The following TLN2 variants were observed in gnomAD, a reference collection of about 807,000 sequenced individuals.
The protein encoded by TLN2 is talin 2, also known as talin-2.
Under a neutral mutation model 294.7 loss-of-function variants are expected in TLN2, and 118 were observed. That is an observed-to-expected ratio of 0.40 (90% CI 0.34 to 0.47). The LOEUF (loss-of-function observed/expected upper bound fraction) is 0.47. Ranked by LOEUF, TLN2 falls within the 20% of genes least tolerant of loss-of-function variation. TLN2 has a pLI of 0.84. For synonymous variants in TLN2, 1,431 were observed against 1,304.5 expected, an observed-to-expected ratio of 1.10 and a Z score of -2.09; for missense variants, 3,083 against 3,282.2, an observed-to-expected ratio of 0.94 and a Z score of 1.48.
At chr15:62,597,264 G>T (rs769770946) in intron 2 of TLN2, among the ~76,000 whole-genome samples, 1 of 152,100 alleles carries the variant, frequency 6.6e-6, no homozygotes, top group African/African-American at 2.4e-5. Flanking sequence ...CTCAGTAAAG[G>T]CTTCCATGAT....
intron 28 of TLN2, among the ~76,000 whole-genome samples, chr15:62,735,046 A>G (rs2060933545): frequency 1.3e-5 from 2 of 152,214 alleles, no homozygotes; most frequent in Admixed American, 6.5e-5. Context: ...TAGATCTTAT[A>G]TGTTCTAACA....
chr15:62,544,782 C>T (rs914869337), intron 1 of TLN2, among the ~76,000 whole-genome samples: 2 of 150,838 alleles, frequency 1.3e-5, no homozygotes, highest in Non-Finnish European at 2.9e-5. Flanking sequence ...CCTTCCATTC[C>T]TAGAATGGCA....
rs2063325633 is a variant in TLN2 at position 62,771,105 on chromosome 15, G to A, written c.5338G>A (p.Ala1780Thr). Residue 1780 changes from alanine (A) to threonine (T), a missense_variant, in exon 42 of 59, where the codon GCA becomes ACA. By Grantham distance (58) the Ala-to-Thr change is moderately conservative. Transcript: ENST00000636159. ...AGAGTCTGCCTTGCAGATGTTGTAT[G>A]CAGCCAAAGAAGGTGGCGGAAACCC... ...LAESALQMLY[A>T]AKEGGGNPKA... 6.2e-7 allele frequency: 1 copy of A among 1,612,090 alleles called. No homozygotes were observed.
At chr15:62,603,792 G>A (rs912208998) in intron 2 of TLN2, among the ~76,000 whole-genome samples, 4 of 152,234 alleles carry the variant, frequency 2.6e-5, no homozygotes, top group African/African-American at 4.8e-5. Flanking sequence ...ATGTCTTCAA[G>A]TAGCAGTAAA....
In TLN2 at chr15:62,423,088, C is replaced by T. The variant is rs1056974142; in HGVS notation, c.-238+32403C>T. On this transcript the variant is annotated intron_variant, in intron 1 of 58. Coordinates refer to ENST00000636159, the MANE Select transcript of TLN2 (RefSeq NM_015059.3). ...CAGGATCACATTAGCTCTAGGATCA[C>T]GTTAGCTCTTAAAAAGTCATTGGGA... is the stretch of plus-strand genomic sequence containing the variant. 2.6e-5 allele frequency among the ~76,000 whole-genome samples: 4 copies of T among 152,286 alleles called. No homozygotes were observed. The East Asian group carries it at 5.8e-4, about 22-fold the overall frequency.
At position 62,840,470 on chromosome 15, in the gene TLN2, C is replaced by G. The variant is rs749706217; in HGVS notation, c.7501-12C>G. ...AGTGTTAGGTCCATCCAGCTTGTTG[C>G]TTTCTTTCTAGATCATCGCCGCCCA... On this transcript the variant is annotated splice_polypyrimidine_tract_variant and intron_variant, in intron 58 of 58. Coordinates refer to ENST00000636159, the MANE Select transcript of TLN2 (RefSeq NM_015059.3). The G allele has an allele frequency of 5.0e-6, 8 of 1,613,764 alleles. No homozygotes were observed. Among genetic ancestry groups the G allele is most frequent in the Non-Finnish European group, 6.8e-6 (8 of 1,179,906 alleles).
intron 40 of TLN2, 76 bp from the exon 41 acceptor site, chr15:62,766,245 A>G (rs2062995247): frequency 7.6e-7 from 1 of 1,312,770 alleles, no homozygotes; most frequent in African/African-American, 1.5e-5. Context: ...GTCATTTTTC[A>G]GAGGGGCCTT....
chr15:62,717,298 T>A (rs538251560), intron 23 of TLN2, among the ~76,000 whole-genome samples: 3 of 152,322 alleles, frequency 2.0e-5, no homozygotes, highest in African/African-American at 7.2e-5. Flanking sequence ...GTCATTATGA[T>A]CTTGGAATCA....
At chr15:62,791,551 A>C (rs1329409493) in intron 45 of TLN2, among the ~76,000 whole-genome samples, 21 of 152,108 alleles carry the variant, frequency 1.4e-4, no homozygotes, top group Non-Finnish European at 1.5e-5. Context: ...CTCCAAAGTC[A>C]CCCTTTCTTT....
At chr15:62,713,813 A>G (rs1270134563) in intron 22 of TLN2, among the ~76,000 whole-genome samples, 1 of 151,544 alleles carries the variant, frequency 6.6e-6, no homozygotes, top group Non-Finnish European at 1.5e-5. Flanking sequence ...AGACCCAGGG[A>G]GGGACAGTGT....
In TLN2 at chr15:62,557,802, A is replaced by T. The variant is rs373584117; in HGVS notation, c.-237-31885A>T. Among the ~76,000 whole-genome samples the T allele has an allele frequency of 4.6e-5, 7 of 152,278 alleles. No individual in the cohort carries two copies. In the East Asian group the frequency reaches 1.4e-3, roughly 29 times the overall value. ...GTGATCCACCCACCTTGGCCTCCCA[A>T]AGTGTTGGGATTACAGGCGTGAGCC... On this transcript the variant is annotated intron_variant, in intron 1 of 58. Transcript: ENST00000636159.
chr15:62,580,414 C>CCCTCCCTCCCTTCCTCCCTT (rs2044845448), intron 1 of TLN2, among the ~76,000 whole-genome samples: 4 of 143,702 alleles, frequency 2.8e-5, no homozygotes, highest in African/African-American at 7.7e-5. Context: ...CTCCCTCCCT[C>CCCTCCCTCCCTTCCTCCCTT]CCTCCCTCCC....
chr15:62,458,999 T>C (rs921142852), intron 1 of TLN2, among the ~76,000 whole-genome samples: 1 of 150,902 alleles, frequency 6.6e-6, no homozygotes, highest in Non-Finnish European at 1.5e-5. Context: ...CAGTAGACTC[T>C]ATTTTTTTTT....
intron 2 of TLN2, among the ~76,000 whole-genome samples, chr15:62,603,717 C>G (rs973929144): frequency 4.6e-5 from 7 of 151,998 alleles, no homozygotes; most frequent in Non-Finnish European, 8.8e-5. Flanking sequence ...AGCTTTGGAG[C>G]AAGAAAGGAA....
At chr15:62,554,607 T>G (rs1170296410) in intron 1 of TLN2, among the ~76,000 whole-genome samples, 2 of 151,826 alleles carry the variant, frequency 1.3e-5, no homozygotes, top group Non-Finnish European at 2.9e-5. Flanking sequence ...TGTTTACTGC[T>G]TAGAAAAAAA....
intron 45 of TLN2, among the ~76,000 whole-genome samples, chr15:62,792,076 C>T (rs2065113399): frequency 6.6e-6 from 1 of 152,160 alleles, no homozygotes; most frequent in Non-Finnish European, 1.5e-5. Context: ...TTGGTATGGT[C>T]GCTGTCCCCA....
Position 62,656,091 on chromosome 15 carries a change from A to G in TLN2, c.660+5A>G, listed in dbSNP as rs867505975. ...CTGAACTTGCTTTATGTTCAGGTACAGTATTTACTGCTCAGACACTGAGGT... is the reference window on the plus strand; with the variant it reads ...CTGAACTTGCTTTATGTTCAGGTACGGTATTTACTGCTCAGACACTGAGGT... On this transcript the variant is annotated splice_donor_5th_base_variant and intron_variant, in intron 8 of 58. Transcript: ENST00000636159. The G allele has an allele frequency of 6.2e-7, 1 of 1,613,984 alleles. No homozygotes were observed. Among genetic ancestry groups the G allele is most frequent in the Non-Finnish European group, 8.5e-7 (1 of 1,179,840 alleles).
intron 1 of TLN2, among the ~76,000 whole-genome samples, chr15:62,502,958 A>C (rs1162624155): frequency 6.6e-6 from 1 of 152,160 alleles, no homozygotes; most frequent in African/African-American, 2.4e-5. Flanking sequence ...TGAAGCCTGC[A>C]AGAGTTGACT....
intron 1 of TLN2, among the ~76,000 whole-genome samples, chr15:62,408,970 CTTAT>C (rs1380159576): frequency 6.8e-6 from 1 of 146,362 alleles, no homozygotes. Context: ...CTTATTTTTA[CTTAT>C]TTATTTATTT....
Sources: allele counts gnomAD v4.1 joint callset (sites outside exome capture counted in the v4.1 genomes callset), GRCh38; gene constraint gnomAD v4.1.1; transcripts MANE v1.5; gene names NCBI Gene and HGNC (gene_info 2026-07-23, HGNC 2026-07-21).